The following ENPP3 variants were observed in gnomAD, a reference collection of about 807,000 sequenced individuals.
ENPP3 encodes ectonucleotide pyrophosphatase/phosphodiesterase 3, also known as ectonucleotide pyrophosphatase/phosphodiesterase family member 3.
In ENPP3, 104 loss-of-function variants were observed where a neutral mutation model predicts 117.8. The observed-to-expected ratio is 0.88, with a 90% CI of 0.75 to 1.04. ENPP3 has a LOEUF of 1.04. Among genes scored for constraint, ENPP3 ranks in the 50% least tolerant of loss-of-function variants. The pLI is 0.00. For synonymous variants in ENPP3, 380 were observed against 349.9 expected (o/e 1.09, Z -0.96); for missense variants, 1,026 against 1,051.9 (o/e 0.98, Z 0.34).
At chr6:131,675,328 AT>A in intron 9 of ENPP3, 139 bp downstream of exon 9, 1 of 611,002 alleles carries the variant, frequency 1.6e-6, no homozygotes, top group Non-Finnish European at 2.9e-6. Context: ...CCTTTCCTTT[AT>A]GTCACTCAAG....
At chr6:131,736,594 TG>T (rs913629990) in intron 21 of ENPP3, among the ~76,000 whole-genome samples, 1 of 151,906 alleles carries the variant, frequency 6.6e-6, no homozygotes, top group African/African-American at 2.4e-5. Context: ...AAGATGAGAT[TG>T]GGGGGGACAC....
Position 131,720,350 on chromosome 6 carries a change from A to G in ENPP3, c.1538A>G (p.Glu513Gly). ...FKEKTEVEPFENIEVYNLMCD... is the reference protein window; with the variant it reads ...FKEKTEVEPFGNIEVYNLMCD... ...GAGAAGACTGAAGTTGAACCATTTG[A>G]AAATATTGAAGTCTATAACCTAATG... The change falls in exon 17 of 25, where the codon GAA (glutamate) becomes GGA (glycine). Residue 513 changes from glutamate to glycine, a missense_variant. By Grantham distance (98) the Glu-to-Gly change is moderately conservative. Transcript: ENST00000357639. The G allele has an allele frequency of 6.3e-7, 1 of 1,596,022 alleles. No individual in the cohort carries two copies. The highest frequency in any genetic ancestry group is 1.7e-5 in the Admixed American group (1 of 58,046).
chr6:131,724,941 G>A (rs1780121245), intron 19 of ENPP3, among the ~76,000 whole-genome samples: 1 of 151,772 alleles, frequency 6.6e-6, no homozygotes, highest in Admixed American at 6.6e-5. Flanking sequence ...GGGCATGGTG[G>A]CTCACACCTG....
chr6:131,648,139 T>C (rs1165090920), intron 2 of ENPP3, among the ~76,000 whole-genome samples: 1 of 151,820 alleles, frequency 6.6e-6, no homozygotes, highest in Non-Finnish European at 1.5e-5. Flanking sequence ...TTTCTTATGT[T>C]CACTAACTTT....
chr6:131,746,134 T>C (rs537865965), intron 24 of ENPP3, among the ~76,000 whole-genome samples: 2 of 152,222 alleles, frequency 1.3e-5, no homozygotes, highest in African/African-American at 4.8e-5. Context: ...AACAATTTTA[T>C]TAATATATCC....
chr6:131,711,393 T>C (rs1416123797), intron 15 of ENPP3, among the ~76,000 whole-genome samples: 1 of 143,168 alleles, frequency 7.0e-6, no homozygotes, highest in Non-Finnish European at 1.5e-5. Flanking sequence ...ATCTCTGGTT[T>C]TGGTAGTTTT....
At chr6:131,706,855 T>G (rs1420784388) in intron 15 of ENPP3, among the ~76,000 whole-genome samples, 1 of 152,088 alleles carries the variant, frequency 6.6e-6, no homozygotes, top group Non-Finnish European at 1.5e-5. Context: ...GTTATACATA[T>G]CTTTATATAT....
chr6:131,730,375 C>T (rs1433246561), intron 20 of ENPP3, among the ~76,000 whole-genome samples: 2 of 152,196 alleles, frequency 1.3e-5, no homozygotes, highest in Non-Finnish European at 2.9e-5. Flanking sequence ...GCTTTCCAGA[C>T]TCTGCCACCT....
chr6:131,645,046 A>G (rs1260707160), intron 2 of ENPP3, among the ~76,000 whole-genome samples: 2 of 152,224 alleles, frequency 1.3e-5, no homozygotes, highest in Admixed American at 6.5e-5. Context: ...ATTGCCATGC[A>G]TACATCTGTT....
rs759918276 is a variant in ENPP3, at chr6:131,650,105, G to A, written c.233G>A (p.Arg78Gln). The A allele has an allele frequency of 8.1e-6, 13 of 1,614,104 alleles. No homozygotes were observed. The highest frequency in any genetic ancestry group is 1.1e-5 in the Non-Finnish European group (13 of 1,179,976). The change falls in exon 3 of 25, where the codon CGA becomes CAA. Residue 78 changes from arginine (R) to glutamine (Q), a missense_variant. Transcript: ENST00000357639. ...CGGTGTGATGTGGCATGTAAAGACC[G>A]AGGTGATTGCTGCTGGGATTTTGAA... ...NCRCDVACKDRGDCCWDFEDT... is the reference protein window; with the variant it reads ...NCRCDVACKDQGDCCWDFEDT...
Position 131,738,211 on chromosome 6 carries a change from A to C in ENPP3, c.2300+48A>C, listed in dbSNP as rs1780443946. ...TTATCAATAGGGTCTCATGAGGGGAAATTCCAATATTTTAAGTAAAGCTCA... is the reference window on the plus strand; with the variant it reads ...TTATCAATAGGGTCTCATGAGGGGACATTCCAATATTTTAAGTAAAGCTCA... On this transcript the variant is annotated intron_variant, in intron 23 of 24. Transcript: ENST00000357639. The C allele has an allele frequency of 2.7e-6, 4 of 1,482,620 alleles. No individual in the cohort carries two copies. In the Admixed American group the frequency reaches 7.2e-5, roughly 27 times the overall value. 91.8% of individuals were successfully genotyped at this position (1,482,620 alleles called of 1,614,324 possible).
intron 24 of ENPP3, among the ~76,000 whole-genome samples, chr6:131,740,667 T>C (rs1780510120): frequency 2.0e-5 from 3 of 152,162 alleles, no homozygotes; most frequent in African/African-American, 7.2e-5. Flanking sequence ...ATCTTGTTAA[T>C]CTCTTTTTTC....
chr6:131,726,217 A>G lies in ENPP3; in HGVS notation c.1953+17A>G, dbSNP rs370009139. On this transcript the variant is annotated intron_variant, in intron 20 of 24. Coordinates refer to ENST00000357639, the MANE Select transcript of ENPP3 (RefSeq NM_005021.5). ...CCCCAGTTGGTAAGTTCCTGAGTCC[A>G]TTGATCCATGCAGGCAAGAAATATT... 1.9e-6 allele frequency: 3 copies of G among 1,608,884 alleles called. No homozygotes were observed. The highest frequency in any genetic ancestry group is 2.2e-5 in the East Asian group (1 of 44,834).
At chr6:131,739,086 A>T (rs771019352) in intron 23 of ENPP3, among the ~76,000 whole-genome samples, 4 of 152,318 alleles carry the variant, frequency 2.6e-5, no homozygotes, top group Admixed American at 2.0e-4. Context: ...TACCCTAGTT[A>T]GGTTCCATTA....
Position 131,694,440 on chromosome 6 carries a change from CT to C in ENPP3, c.1412+818del, listed in dbSNP as rs558126427. Among the ~76,000 whole-genome samples the C allele has an allele frequency of 1.4e-3, 211 of 152,130 alleles. 1 individual carries two copies. Among genetic ancestry groups the C allele is most frequent in the Non-Finnish European group, 2.5e-3 (167 of 67,974 alleles). ...TGTATTTCATACCAGCACTTTTTTC[CT>C]TATGCATAAGTAGATGTAAAAAGTA... On this transcript the variant is annotated intron_variant, in intron 15 of 24. Transcript: ENST00000357639.
chr6:131,654,143 TTATTAC>T (rs1473521730), intron 5 of ENPP3, among the ~76,000 whole-genome samples: 2 of 142,466 alleles, frequency 1.4e-5, no homozygotes, highest in Admixed American at 7.0e-5. Context: ...ATTATTATTA[TTATTAC>T]GAGATAGGGT....
chr6:131,658,736 G>T (rs1219653209), intron 6 of ENPP3, among the ~76,000 whole-genome samples: 5 of 152,182 alleles, frequency 3.3e-5, no homozygotes, highest in African/African-American at 1.2e-4. Context: ...TCAGACCCAG[G>T]TTCTGGGCCT....
At chr6:131,718,651 A>G in intron 15 of ENPP3, 21 bp from the exon 16 acceptor site, 1 of 1,307,950 alleles carries the variant, frequency 7.6e-7, no homozygotes, top group South Asian at 1.2e-5. Flanking sequence ...ATCAGTGTGT[A>G]ATAATATTTT....
At chr6:131,656,591 C>A (rs1357506669) in intron 5 of ENPP3, among the ~76,000 whole-genome samples, 1 of 151,978 alleles carries the variant, frequency 6.6e-6, no homozygotes, top group Non-Finnish European at 1.5e-5. Flanking sequence ...CACGGTGAAA[C>A]CCCGTCTCTA....
Sources: allele counts gnomAD v4.1 joint callset (sites outside exome capture counted in the v4.1 genomes callset), GRCh38; gene constraint gnomAD v4.1.1; transcripts MANE v1.5; gene names NCBI Gene and HGNC (gene_info 2026-07-23, HGNC 2026-07-21).